The following CA10 variants were observed in gnomAD, a reference collection of about 807,000 sequenced individuals.
CA10 encodes the protein carbonic anhydrase-related protein 10.
CA10 carries 14 observed loss-of-function variants against 44.2 expected under a neutral mutation model. That is an observed-to-expected ratio of 0.32 (90% CI 0.21 to 0.50). The LOEUF (loss-of-function observed/expected upper bound fraction) is 0.50. Ranked by LOEUF, CA10 falls within the 20% of genes least tolerant of loss-of-function variation. The pLI, the probability that CA10 is intolerant of heterozygous loss-of-function variation, is 0.99. For missense variants in CA10, 350 were observed against 409.7 expected (o/e 0.85, Z 1.26); for synonymous variants, 159 against 141.6 (o/e 1.12, Z -0.87).
At chr17:52,126,654 T>A (rs1989126101) in intron 1 of CA10, among the ~76,000 whole-genome samples, 3 of 152,240 alleles carry the variant, frequency 2.0e-5, no homozygotes, top group African/African-American at 7.2e-5. Flanking sequence ...TAAGCAGGAC[T>A]GTCCATCTCA....
At chr17:52,141,705 T>A (rs1203458704) in intron 1 of CA10, among the ~76,000 whole-genome samples, 1 of 152,190 alleles carries the variant, frequency 6.6e-6, no homozygotes, top group Non-Finnish European at 1.5e-5. Context: ...GTCCACAGGC[T>A]GTTGTTTGCT....
rs574772692 is a variant in CA10 at position 52,098,610 on chromosome 17, A to C, written c.62-26217T>G. Among the ~76,000 whole-genome samples the C allele has an allele frequency of 7.9e-5, 12 of 152,248 alleles. 1 individual carries two copies. The East Asian group carries it at 2.3e-3, about 29-fold the overall frequency. On this transcript the variant is annotated intron_variant, in intron 1 of 8. Transcript: ENST00000451037. ...TTTTAGGAAGAGCAAAAAAGTCAAT[A>C]CTACTTCATCTTCTATTTATGGAGA... is the stretch of plus-strand genomic sequence containing the variant.
chr17:51,964,521 C>T (rs1484036872), intron 2 of CA10, among the ~76,000 whole-genome samples: 1 of 151,792 alleles, frequency 6.6e-6, no homozygotes, highest in Non-Finnish European at 1.5e-5. Flanking sequence ...AAGCAAGTCT[C>T]AATAATTTAA....
chr17:51,718,356 C>T (rs2143522236), intron 4 of CA10, among the ~76,000 whole-genome samples: 1 of 152,118 alleles, frequency 6.6e-6, no homozygotes, highest in South Asian at 2.1e-4. Flanking sequence ...AAGAGAGAGG[C>T]CGAAGGTTGA....
chr17:51,976,307 T>A (rs966221519), intron 2 of CA10, among the ~76,000 whole-genome samples: 4 of 152,166 alleles, frequency 2.6e-5, no homozygotes, highest in African/African-American at 9.6e-5. Flanking sequence ...CATCTTGACC[T>A]AATTAAAACA....
At chr17:51,894,275 G>C (rs754584458) in intron 3 of CA10, among the ~76,000 whole-genome samples, 1 of 152,066 alleles carries the variant, frequency 6.6e-6, no homozygotes, top group Non-Finnish European at 1.5e-5. Context: ...GAGCTGTCCC[G>C]TTCAAAAGGC....
At chr17:51,820,513 T>C (rs773975367) in intron 3 of CA10, among the ~76,000 whole-genome samples, 5 of 151,114 alleles carry the variant, frequency 3.3e-5, no homozygotes, top group Non-Finnish European at 5.9e-5. Flanking sequence ...TTCTTTCTCA[T>C]GTCTAGATGA....
intron 1 of CA10, among the ~76,000 whole-genome samples, chr17:52,100,541 T>C (rs1423699318): frequency 6.6e-6 from 1 of 152,026 alleles, no homozygotes; most frequent in African/African-American, 2.4e-5. Context: ...AAGAAAGAGG[T>C]AAGCAACTTC....
chr17:52,011,462 A>G (rs1985794111), intron 2 of CA10, among the ~76,000 whole-genome samples: 1 of 152,074 alleles, frequency 6.6e-6, no homozygotes, highest in Admixed American at 6.6e-5. Context: ...ATCATAATAA[A>G]GTGGAATAGT....
intron 3 of CA10, among the ~76,000 whole-genome samples, chr17:51,776,339 C>T (rs1181942086): frequency 6.6e-6 from 1 of 151,976 alleles, no homozygotes; most frequent in East Asian, 1.9e-4. Flanking sequence ...TGCGCCACTG[C>T]ACCCCAGCCT....
At chr17:51,710,762 A>G (rs1263976) in intron 4 of CA10, among the ~76,000 whole-genome samples, 50,112 of 151,794 alleles carry the variant, frequency 0.33, 9,210 homozygotes, top group Admixed American at 0.41. Context: ...CAGAGGTTGC[A>G]AGTCCTCCCT....
In CA10 at chr17:51,826,464, G is replaced by A. The variant is rs79218584; in HGVS notation, c.280-78646C>T. Among the ~76,000 whole-genome samples, 867 of 152,320 alleles carry A rather than the reference G, an allele frequency of 5.7e-3. 4 individuals are homozygous for A. The highest frequency in any genetic ancestry group is 0.02 in the African/African-American group (816 of 41,572). ...GCTGTTGTGACAGCAAATGAAAGAT[G>A]ATATGAAAGGACTTCATAAGCTATG... is the stretch of plus-strand genomic sequence containing the variant. On this transcript the variant is annotated intron_variant, in intron 3 of 8. Transcript: ENST00000451037.
intron 6 of CA10, among the ~76,000 whole-genome samples, chr17:51,639,305 G>A (rs1358720716): frequency 5.9e-5 from 9 of 152,254 alleles, no homozygotes; most frequent in Non-Finnish European, 1.2e-4. Context: ...TATTCGGGGC[G>A]GTGGGGAGGA....
chr17:51,642,220 G>A (rs1008208227), intron 6 of CA10, among the ~76,000 whole-genome samples: 1 of 152,182 alleles, frequency 6.6e-6, no homozygotes, highest in Admixed American at 6.5e-5. Flanking sequence ...GGTGTGCTGC[G>A]TTTTGCATTC....
intron 2 of CA10, among the ~76,000 whole-genome samples, chr17:52,064,499 C>G (rs1433405441): frequency 6.6e-6 from 1 of 152,086 alleles, no homozygotes; most frequent in Non-Finnish European, 1.5e-5. Flanking sequence ...ACCAACCAGC[C>G]AGATTTCTTT....
intron 1 of CA10, among the ~76,000 whole-genome samples, chr17:52,128,312 G>C (rs1209564570): frequency 6.6e-6 from 1 of 152,146 alleles, no homozygotes; most frequent in Admixed American, 6.5e-5. Flanking sequence ...AGTCACCTCT[G>C]TCTCCAAGAC....
intron 2 of CA10, among the ~76,000 whole-genome samples, chr17:51,952,165 C>T (rs1035191074): frequency 6.6e-6 from 1 of 152,060 alleles, no homozygotes; most frequent in African/African-American, 2.4e-5. Flanking sequence ...ACTTGAATGG[C>T]GTTTGTATTT....
chr17:51,737,382 T>C (rs935698538), intron 4 of CA10, among the ~76,000 whole-genome samples: 2 of 152,124 alleles, frequency 1.3e-5, no homozygotes, highest in African/African-American at 2.4e-5. Context: ...TATGCTAATG[T>C]ATCTTATCTT....
intron 3 of CA10, among the ~76,000 whole-genome samples, chr17:51,798,039 T>C (rs1413510256): frequency 2.0e-5 from 3 of 152,128 alleles, no homozygotes; most frequent in African/African-American, 7.2e-5. Flanking sequence ...AGCAAAGCCC[T>C]GACAGAAATG....
Sources: gnomAD v4.1 joint callset for allele counts (sites outside exome capture counted in the v4.1 genomes callset) on GRCh38, gnomAD v4.1.1 for gene constraint, MANE v1.5 for transcripts, NCBI Gene and HGNC (gene_info 2026-07-23, HGNC 2026-07-21) for gene names.